Variants in MED13 observed in about 807,000 individuals in gnomAD.
MED13 encodes mediator complex subunit 13, also known as mediator of RNA polymerase II transcription subunit 13.
Under a neutral mutation model 225.2 loss-of-function variants are expected in MED13, and 23 were observed. The observed-to-expected ratio is 0.10, with a 90% CI of 0.07 to 0.14. The LOEUF (loss-of-function observed/expected upper bound fraction) is 0.14, where lower values mean the gene tolerates loss of function less well. Ranked by LOEUF, MED13 falls within the 10% of genes least tolerant of loss-of-function variation. The pLI is 1.00. For missense variants in MED13, 2,197 were observed against 2,594.5 expected, an observed-to-expected ratio of 0.85 and a Z score of 3.33; for synonymous variants, 942 against 889.2, an observed-to-expected ratio of 1.06 and a Z score of -1.06.
intron 2 of MED13, among the ~76,000 whole-genome samples, chr17:62,058,939 A>G (rs1380675209): frequency 6.6e-6 from 1 of 152,236 alleles, no homozygotes; most frequent in Non-Finnish European, 1.5e-5. Flanking sequence ...CACATCAGCT[A>G]AACTTGAAAG....
At chr17:61,974,083 G>C (rs1468019390) in intron 16 of MED13, among the ~76,000 whole-genome samples, 1 of 152,090 alleles carries the variant, frequency 6.6e-6, no homozygotes, top group Non-Finnish European at 1.5e-5. Context: ...ATAAACTTTT[G>C]TATACATAGT....
intron 3 of MED13, among the ~76,000 whole-genome samples, chr17:62,039,881 G>A (rs982372828): frequency 6.6e-6 from 1 of 152,080 alleles, no homozygotes; most frequent in African/African-American, 2.4e-5. Flanking sequence ...TTACAGGCGT[G>A]AGCCACTGTG....
chr17:62,065,063 C>G, intron 1 of MED13, 77 bp downstream of exon 1: 1 of 1,355,586 alleles, frequency 7.4e-7, no homozygotes, highest in Non-Finnish European at 1.0e-6. Context: ...CTGGACCAGA[C>G]CCGGCCCCCT....
At chr17:62,021,292 G>T (rs1427482551) in intron 8 of MED13, among the ~76,000 whole-genome samples, 1 of 150,970 alleles carries the variant, frequency 6.6e-6, no homozygotes, top group African/African-American at 2.4e-5. Flanking sequence ...TCACCTCCCG[G>T]ACGGGGCGGC....
At chr17:62,052,382 TAA>T (rs201715960) in intron 3 of MED13, among the ~76,000 whole-genome samples, 153 bp downstream of exon 3, 3 of 142,006 alleles carry the variant, frequency 2.1e-5, no homozygotes, top group African/African-American at 2.6e-5. Flanking sequence ...TAAAGTGGTT[TAA>T]AAAAAAAAAA....
intron 9 of MED13, among the ~76,000 whole-genome samples, chr17:61,996,873 T>C (rs535840374): frequency 1.5e-3 from 224 of 152,340 alleles, no homozygotes; most frequent in African/African-American, 5.2e-3. Flanking sequence ...TTAGCACAGA[T>C]GCCTAGAGTA....
intron 3 of MED13, among the ~76,000 whole-genome samples, chr17:62,038,063 AAC>A (rs964071789): frequency 6.6e-6 from 1 of 152,026 alleles, no homozygotes; most frequent in African/African-American, 2.4e-5. Context: ...AGTTCTTAAA[AAC>A]ACAGTTTTCA....
intron 3 of MED13, among the ~76,000 whole-genome samples, chr17:62,048,056 A>C (rs149354146): frequency 6.9e-6 from 1 of 145,152 alleles, no homozygotes; most frequent in Non-Finnish European, 1.5e-5. Flanking sequence ...ATATATATAT[A>C]TATATATGTA....
rs761020969 is a variant in MED13 at position 62,031,579 on chromosome 17, T to C, written c.874A>G (p.Thr292Ala). Residue 292 changes from threonine (T) to alanine (A), a missense_variant, in exon 6 of 30, where the codon ACT becomes GCT. Thr to Ala is a moderately conservative substitution (Grantham distance 58). Coordinates refer to ENST00000397786, the MANE Select transcript of MED13 (RefSeq NM_005121.3). Reference sequence around the variant, plus strand: ...TGAGTGGATCCCACAGGGCTAGGAGTAGGAATGTCTGACTGAGGGACTAGA... The same window carrying C: ...TGAGTGGATCCCACAGGGCTAGGAGCAGGAATGTCTGACTGAGGGACTAGA... ...FVLVPQSDIPTPSPVGSTHCS... is the reference protein window; with the variant it reads ...FVLVPQSDIPAPSPVGSTHCS... The C allele has an allele frequency of 8.7e-6, 14 of 1,612,354 alleles. No homozygotes were observed. In the South Asian group the frequency reaches 1.4e-4, roughly 16 times the overall value.
At chr17:62,052,060 G>T (rs1461818397) in intron 3 of MED13, among the ~76,000 whole-genome samples, 1 of 152,070 alleles carries the variant, frequency 6.6e-6, no homozygotes, top group Non-Finnish European at 1.5e-5. Context: ...AGAGTAAATG[G>T]TCTTATATAG....
intron 3 of MED13, among the ~76,000 whole-genome samples, chr17:62,039,320 T>C (rs1266702514): frequency 1.3e-5 from 2 of 152,186 alleles, no homozygotes; most frequent in African/African-American, 2.4e-5. Flanking sequence ...TCTTGCTCTG[T>C]TGCCCAAGAT....
chr17:62,033,987 A>G lies in MED13; in HGVS notation c.617-3T>C. ...TAGTCCAAATGGGCATAAGATAACT[A>G]GAAACCCAAAGCAGACATCAAATAA... is the stretch of plus-strand genomic sequence containing the variant. On this transcript the variant is annotated splice_polypyrimidine_tract_variant and splice_region_variant and intron_variant, in intron 4 of 29. Coordinates refer to ENST00000397786, the MANE Select transcript of MED13 (RefSeq NM_005121.3). The G allele has an allele frequency of 6.2e-7, 1 of 1,612,910 alleles. No homozygotes were observed. The highest frequency in any genetic ancestry group is 8.5e-7 in the Non-Finnish European group (1 of 1,179,246).
At chr17:62,017,710 C>G (rs1325868384) in intron 8 of MED13, among the ~76,000 whole-genome samples, 1 of 152,068 alleles carries the variant, frequency 6.6e-6, no homozygotes, top group East Asian at 1.9e-4. Context: ...ACCACACATT[C>G]AGTTTGTTGT....
At chr17:61,986,983 C>G in intron 12 of MED13, 24 bp downstream of exon 12, 8 of 1,464,540 alleles carry the variant, frequency 5.5e-6, no homozygotes, top group Non-Finnish European at 6.4e-6. Flanking sequence ...AAATTATAAT[C>G]CTATTCATTA....
In MED13 at chr17:62,052,641, T is replaced by C; in HGVS notation, c.366A>G (p.Ala122=). The C allele has an allele frequency of 6.2e-7, 1 of 1,603,718 alleles. No individual in the cohort carries two copies. Among genetic ancestry groups the C allele is most frequent in the Non-Finnish European group, 8.5e-7 (1 of 1,173,916 alleles). The change falls in exon 3 of 30, where the codon GCA becomes GCG. Residue 122 remains alanine, a synonymous_variant. Transcript: ENST00000397786. The part of the protein sequence containing the change: ...SYECRTLLFK[A]VHNLLERCLM... ...AACACCGTTCCAATAGATTGTGAAC[T>C]GCTTTGAAAAGCAGAGTACGGCATT...
At chr17:62,043,327 C>G (rs554341604) in intron 3 of MED13, among the ~76,000 whole-genome samples, 2 of 152,054 alleles carry the variant, frequency 1.3e-5, no homozygotes, top group East Asian at 1.9e-4. Flanking sequence ...GTGACATCAT[C>G]ATTTAAGATT....
chr17:62,061,775 T>C (rs560033615), intron 2 of MED13, among the ~76,000 whole-genome samples: 1 of 152,222 alleles, frequency 6.6e-6, no homozygotes, highest in East Asian at 1.9e-4. Context: ...TGTACATATA[T>C]GTATATACAT....
intron 8 of MED13, among the ~76,000 whole-genome samples, chr17:62,016,277 T>G (rs2080580318): frequency 6.6e-6 from 1 of 151,458 alleles, no homozygotes; most frequent in East Asian, 2.0e-4. Flanking sequence ...GTGCCGCGAT[T>G]AGCGCTCACT....
intron 3 of MED13, among the ~76,000 whole-genome samples, chr17:62,039,223 C>T (rs1232152419): frequency 6.6e-6 from 1 of 152,136 alleles, no homozygotes; most frequent in African/African-American, 2.4e-5. Context: ...ATAGTCTGAT[C>T]TTATTGTAAC....
Sources: allele counts gnomAD v4.1 joint callset (sites outside exome capture counted in the v4.1 genomes callset), GRCh38; gene constraint gnomAD v4.1.1; transcripts MANE v1.5; gene names NCBI Gene and HGNC (gene_info 2026-07-23, HGNC 2026-07-21).